The following SLC2A14 variants were observed in gnomAD, a reference collection of about 807,000 sequenced individuals.
SLC2A14 encodes the protein solute carrier family 2, facilitated glucose transporter member 14.
A neutral mutation model predicts 43.0 loss-of-function variants in SLC2A14; 13 were observed. The observed-to-expected ratio is 0.30, with a 90% CI of 0.20 to 0.48. SLC2A14 has a LOEUF of 0.48. Ranked by LOEUF, SLC2A14 falls within the 20% of genes least tolerant of loss-of-function variation. SLC2A14 has a pLI of 0.99. For missense variants in SLC2A14, 428 were observed against 620.4 expected, an observed-to-expected ratio of 0.69 and a Z score of 3.29; for synonymous variants, 190 against 233.8, an observed-to-expected ratio of 0.81 and a Z score of 1.71.
At chr12:7,863,327 G>C (rs1479331026) in intron 2 of SLC2A14, 1 of 451,762 alleles carries the variant, frequency 2.2e-6, no homozygotes, top group South Asian at 1.6e-5. Flanking sequence ...CATCAGAAGG[G>C]AGGGACTCCA....
rs1435145837 is a variant in SLC2A14 at position 7,887,572 on chromosome 12, GATA to G, written c.132+3421_132+3423del. ...GGTAGATAAATCAGATAGATAGATA[GATA>G]GATAGATAGATAGATAGATAGATAG... On this transcript the variant is annotated intron_variant, in intron 1 of 9. Transcript: ENST00000539924. Among the ~76,000 whole-genome samples the G allele has an allele frequency of 6.1e-5, 8 of 131,704 alleles. No individual in the cohort carries two copies. The East Asian group carries it at 1.8e-3, about 29-fold the overall frequency. The allele number at this position is 131,704 out of a possible 152,430, so 86.4% of individuals were successfully genotyped here.
Position 7,814,223 on chromosome 12 carries a change from G to C in SLC2A14, c.*93C>G. The C allele has an allele frequency of 6.9e-7, 1 of 1,440,148 alleles. No homozygotes were observed. Among genetic ancestry groups the C allele is most frequent in the Non-Finnish European group, 9.4e-7 (1 of 1,059,000 alleles). 89.2% of individuals were successfully genotyped at this position (1,440,148 alleles called of 1,614,324 possible). A position where few individuals can be genotyped will look rare whatever the true frequency, so the allele number is the denominator to read the frequency against. On this transcript the variant is annotated 3_prime_UTR_variant, in exon 11 of 11. Coordinates refer to ENST00000431042, the MANE Select transcript of SLC2A14 (RefSeq NM_001286234.2). ...GAAAGAAATCAAGTAGCAGCATTCA[G>C]AAGCAGTCCTGGGTTCATCCTGATA...
At chr12:7,840,057 A>G (rs1865811838) in intron 2 of SLC2A14, 1 of 285,680 alleles carries the variant, frequency 3.5e-6, no homozygotes, top group Non-Finnish European at 6.7e-6. Flanking sequence ...GCCTGCAGTG[A>G]GCTATGATTG....
chr12:7,885,573 G>T (rs75096396), intron 1 of SLC2A14, among the ~76,000 whole-genome samples: 2,519 of 146,700 alleles, frequency 0.017, 38 homozygotes, highest in Non-Finnish European at 0.026. Context: ...TTTTCATGCT[G>T]CCAAGCACCG....
At chr12:7,850,538 G>C (rs1196410658) in intron 2 of SLC2A14, among the ~76,000 whole-genome samples, 1 of 152,062 alleles carries the variant, frequency 6.6e-6, no homozygotes, top group African/African-American at 2.4e-5. Flanking sequence ...TGGGATTACA[G>C]GCGTGCACCA....
In SLC2A14 at chr12:7,813,132, G is replaced by A. The variant is rs1273820478; in HGVS notation, c.*1184C>T. ...TCGCTCAGAAAAAAATCCTCTCCCAGAGCTGAGGTTACAAATTCCAAGTTT... is the reference window on the plus strand; with the variant it reads ...TCGCTCAGAAAAAAATCCTCTCCCAAAGCTGAGGTTACAAATTCCAAGTTT... On this transcript the variant is annotated 3_prime_UTR_variant, in exon 11 of 11. Coordinates refer to ENST00000431042, the MANE Select transcript of SLC2A14 (RefSeq NM_001286234.2). The A allele has an allele frequency of 2.6e-5, 4 of 151,268 alleles. No homozygotes were observed. The highest frequency in any genetic ancestry group is 5.9e-5 in the Non-Finnish European group (4 of 67,872). 9.4% of individuals were successfully genotyped at this position (151,268 alleles called of 1,614,324 possible).
At chr12:7,883,380 C>A (rs1282417808) in intron 1 of SLC2A14, among the ~76,000 whole-genome samples, 1 of 148,574 alleles carries the variant, frequency 6.7e-6, no homozygotes, top group Non-Finnish European at 1.5e-5. Flanking sequence ...CATTCTCTTG[C>A]CTCAGTCTCC....
At chr12:7,814,853 G>A (rs1008109902) in intron 10 of SLC2A14, among the ~76,000 whole-genome samples, 16 of 151,904 alleles carry the variant, frequency 1.1e-4, no homozygotes, top group East Asian at 9.8e-4. Context: ...AGGCTGGAGC[G>A]CAATGGCAGG....
At chr12:7,836,951 A>C (rs1865509723) in intron 2 of SLC2A14, among the ~76,000 whole-genome samples, 1 of 151,940 alleles carries the variant, frequency 6.6e-6, no homozygotes, top group Non-Finnish European at 1.5e-5. Context: ...GGTGGATCAC[A>C]AGATCAGGAG....
Position 7,812,780 on chromosome 12 carries a change from G to A in SLC2A14, c.*1536C>T, listed in dbSNP as rs1392694196. On this transcript the variant is annotated 3_prime_UTR_variant, in exon 11 of 11. Coordinates refer to ENST00000431042, the MANE Select transcript of SLC2A14 (RefSeq NM_001286234.2). ...ACTGAGAACCAAAATACTGTCACTG[G>A]CAAGGGTTTGGCTAAAGGGTCTGAG... is the stretch of plus-strand genomic sequence containing the variant. 3.3e-5 allele frequency: 5 copies of A among 152,126 alleles called. No individual in the cohort carries two copies. Among genetic ancestry groups the A allele is most frequent in the Admixed American group, 6.6e-5 (1 of 15,254 alleles). 9.4% of individuals were successfully genotyped at this position (152,126 alleles called of 1,614,324 possible).
chr12:7,823,910 T>G (rs1864136253), intron 7 of SLC2A14, among the ~76,000 whole-genome samples: 1 of 152,156 alleles, frequency 6.6e-6, no homozygotes, highest in Non-Finnish European at 1.5e-5. Flanking sequence ...AATAACTATT[T>G]AAATCCCTAA....
In SLC2A14 at chr12:7,847,134, C is replaced by A. The variant is rs113896058; in HGVS notation, c.19-14320G>T. ...AAGTGTGGTGGTGCATGCCTGTAAT[C>A]CCAGCTACTCAGGAGGCTGAGGCAG... On this transcript the variant is annotated intron_variant, in intron 2 of 10. Transcript: ENST00000431042. 1.8e-3 allele frequency among the ~76,000 whole-genome samples: 279 copies of A among 151,884 alleles called. 3 individuals carry two copies. The highest frequency in any genetic ancestry group is 6.5e-3 in the African/African-American group (270 of 41,480).
intron 2 of SLC2A14, among the ~76,000 whole-genome samples, chr12:7,847,195 T>G (rs1473621274): frequency 6.6e-6 from 1 of 151,872 alleles, no homozygotes; most frequent in African/African-American, 2.4e-5. Flanking sequence ...GAGGTTGCAG[T>G]GACCCAAGAT....
At chr12:7,890,631 A>C (rs929509486) in intron 1 of SLC2A14, among the ~76,000 whole-genome samples, 2 of 152,124 alleles carry the variant, frequency 1.3e-5, no homozygotes, top group African/African-American at 4.8e-5. Flanking sequence ...AACTTTATTC[A>C]AATTGCTTTC....
At chr12:7,817,553 G>T (rs1053585768) in intron 10 of SLC2A14, among the ~76,000 whole-genome samples, 1 of 152,086 alleles carries the variant, frequency 6.6e-6, no homozygotes, top group Non-Finnish European at 1.5e-5. Context: ...CAGATTACCA[G>T]GTCAAGAGAT....
Position 7,821,584 on chromosome 12 carries a change from A to G in SLC2A14, c.865-259T>C, listed in dbSNP as rs759353370. On this transcript the variant is annotated intron_variant, in intron 7 of 10. Coordinates refer to ENST00000431042, the MANE Select transcript of SLC2A14 (RefSeq NM_001286234.2). ...TGTAGTCCCAGCTACTTGGGAGGCC[A>G]GACAGAACAAGACTCTGTCACCATA... Among the ~76,000 whole-genome samples, 19 of 152,232 alleles carry G rather than the reference A, an allele frequency of 1.2e-4. No homozygotes were observed. The East Asian group carries it at 3.7e-3, about 29-fold the overall frequency.
chr12:7,838,093 AT>A (rs71451921), intron 2 of SLC2A14, among the ~76,000 whole-genome samples: 36,717 of 143,362 alleles, frequency 0.26, 5,062 homozygotes, highest in Middle Eastern at 0.34. Flanking sequence ...TTTTACCACA[AT>A]TTTTTTTTTT....
intron 1 of SLC2A14, chr12:7,871,348 A>C: frequency 2.7e-6 from 2 of 753,206 alleles, no homozygotes; most frequent in Non-Finnish European, 3.5e-6. Flanking sequence ...GCATCCTCAT[A>C]CATGGCGCCA....
chr12:7,837,740 A>G lies in SLC2A14; in HGVS notation c.19-4926T>C, dbSNP rs1297919242. ...CTGGCTGGGATTACTGGCATACACC[A>G]CCACGACTGGCTAATTTTTTATTTT... On this transcript the variant is annotated intron_variant, in intron 2 of 10. Transcript: ENST00000431042. Among the ~76,000 whole-genome samples the G allele has an allele frequency of 3.5e-5, 5 of 144,672 alleles. No homozygotes were observed. The South Asian group carries it at 1.1e-3, about 33-fold the overall frequency. The allele number at this position is 144,672 out of a possible 152,430, so 94.9% of individuals were successfully genotyped here.
Sources: allele counts gnomAD v4.1 joint callset (sites outside exome capture counted in the v4.1 genomes callset), GRCh38; gene constraint gnomAD v4.1.1; transcripts MANE v1.5; gene names NCBI Gene and HGNC (gene_info 2026-07-23, HGNC 2026-07-21).